AGBL1: variants seen among roughly 807,000 people sequenced by gnomAD.
AGBL1 encodes the protein AGBL carboxypeptidase 1.
A neutral mutation model predicts 118.9 loss-of-function variants in AGBL1; 130 were observed. That is an observed-to-expected ratio of 1.09 (90% CI 0.95 to 1.26). The LOEUF is 1.26. Ranked by LOEUF, AGBL1 falls within the 50% of genes most tolerant of loss-of-function variation. The pLI is 0.00. For synonymous variants in AGBL1, 555 were observed against 478.9 expected (o/e 1.16, Z -2.08); for missense variants, 1,584 against 1,298.1 (o/e 1.22, Z -3.38).
intron 21 of AGBL1, among the ~76,000 whole-genome samples, chr15:86,567,218 T>C (rs1266606389): frequency 5.9e-5 from 9 of 152,244 alleles, no homozygotes; most frequent in Non-Finnish European, 1.3e-4. Flanking sequence ...TAAGCTTTTA[T>C]GAAGTGTAAT....
intron 22 of AGBL1, among the ~76,000 whole-genome samples, chr15:86,883,209 T>G (rs1466221641): frequency 6.6e-6 from 1 of 152,258 alleles, no homozygotes; most frequent in Non-Finnish European, 1.5e-5. Flanking sequence ...TTACATCTAA[T>G]GCTAATAAAA....
intron 15 of AGBL1, among the ~76,000 whole-genome samples, chr15:86,278,325 C>T (rs2079291023): frequency 6.6e-6 from 1 of 152,188 alleles, no homozygotes; most frequent in South Asian, 2.1e-4. Context: ...ACCCTCCTTT[C>T]CCTAGCATGA....
At chr15:86,678,290 A>G (rs937793325) in intron 22 of AGBL1, among the ~76,000 whole-genome samples, 2 of 152,174 alleles carry the variant, frequency 1.3e-5, no homozygotes, top group Middle Eastern at 3.2e-3. Context: ...ACAATGTGCT[A>G]TAAGTTCTCC....
chr15:86,470,630 T>C (rs2082467545), intron 18 of AGBL1, among the ~76,000 whole-genome samples: 1 of 152,188 alleles, frequency 6.6e-6, no homozygotes, highest in Non-Finnish European at 1.5e-5. Context: ...ACTTGTAGCA[T>C]GGACATTTTA....
intron 5 of AGBL1, among the ~76,000 whole-genome samples, chr15:86,179,168 G>C (rs1241390328): frequency 6.6e-6 from 1 of 152,180 alleles, no homozygotes; most frequent in African/African-American, 2.4e-5. Flanking sequence ...CCAGTTCCTG[G>C]AATTGTTTAA....
chr15:86,756,059 A>T (rs990442525), intron 22 of AGBL1, among the ~76,000 whole-genome samples: 1 of 152,138 alleles, frequency 6.6e-6, no homozygotes, highest in Non-Finnish European at 1.5e-5. Flanking sequence ...GAGGTTAGCA[A>T]ATTCCCCAAG....
chr15:86,613,161 A>G lies in AGBL1; in HGVS notation c.2994+58624A>G, dbSNP rs116021010. ...TAACCGTGGCAAAATAAATCTCTAA[A>G]TTGATTAAGACTTGTCTCAGATACT... On this transcript the variant is annotated intron_variant, in intron 21 of 22. Transcript: ENST00000614907. The surrounding 1 kb of genome is among the most constrained non-coding windows in gnomAD (Gnocchi z 4.2). 6.7e-3 allele frequency among the ~76,000 whole-genome samples: 1,026 copies of G among 152,300 alleles called. 16 individuals carry two copies. The highest frequency in any genetic ancestry group is 0.023 in the African/African-American group (946 of 41,558).
At chr15:86,656,732 C>T (rs2085466748) in intron 21 of AGBL1, among the ~76,000 whole-genome samples, 1 of 152,090 alleles carries the variant, frequency 6.6e-6, no homozygotes, top group African/African-American at 2.4e-5. Flanking sequence ...TCCTTTACAC[C>T]CCCTGAGCTC....
chr15:86,628,104 T>C (rs2084914877), intron 21 of AGBL1, among the ~76,000 whole-genome samples: 1 of 152,188 alleles, frequency 6.6e-6, no homozygotes, highest in South Asian at 2.1e-4. Flanking sequence ...TCTGGGCTAG[T>C]GCAGTCCTTC....
intron 22 of AGBL1, among the ~76,000 whole-genome samples, chr15:86,896,035 C>T (rs1315020480): frequency 6.6e-6 from 1 of 152,056 alleles, no homozygotes; most frequent in Middle Eastern, 3.2e-3. Flanking sequence ...CTTTGCTGAA[C>T]TGTGTCTGTG....
At chr15:86,800,924 G>T (rs1335596878) in intron 22 of AGBL1, among the ~76,000 whole-genome samples, 1 of 152,110 alleles carries the variant, frequency 6.6e-6, no homozygotes, top group East Asian at 1.9e-4. Flanking sequence ...TAGAGAAGGT[G>T]ACATTTTAAG....
At chr15:86,633,644 T>C (rs939986271) in intron 21 of AGBL1, among the ~76,000 whole-genome samples, 25 of 151,882 alleles carry the variant, frequency 1.6e-4, no homozygotes, top group Admixed American at 5.3e-4. Context: ...AAAAAGATCA[T>C]TCTCTGAAAT....
chr15:86,347,793 T>C (rs957305967), intron 17 of AGBL1, among the ~76,000 whole-genome samples: 2 of 152,226 alleles, frequency 1.3e-5, no homozygotes, highest in South Asian at 2.1e-4. Flanking sequence ...CAAGAAGACA[T>C]TTTCTTAGTA....
chr15:86,463,133 A>G (rs534829856), intron 18 of AGBL1, among the ~76,000 whole-genome samples: 6 of 152,268 alleles, frequency 3.9e-5, no homozygotes, highest in African/African-American at 1.4e-4. Context: ...TCGCCATTCT[A>G]ACTGGTGTGA....
intron 22 of AGBL1, among the ~76,000 whole-genome samples, chr15:86,875,524 A>G (rs2079795011): frequency 6.6e-6 from 1 of 152,214 alleles, no homozygotes; most frequent in African/African-American, 2.4e-5. Flanking sequence ...GCATCTGTTC[A>G]AGTAGGTCTG....
At chr15:86,377,058 C>G (rs2081051309) in intron 17 of AGBL1, among the ~76,000 whole-genome samples, 1 of 152,138 alleles carries the variant, frequency 6.6e-6, no homozygotes, top group Non-Finnish European at 1.5e-5. Flanking sequence ...CTTTATAAGT[C>G]AGGATTATGC....
chr15:86,795,328 T>C (rs79031465), intron 22 of AGBL1, among the ~76,000 whole-genome samples: 2,130 of 152,202 alleles, frequency 0.014, 48 homozygotes, highest in African/African-American at 0.047. Context: ...CGATCTTTTA[T>C]AAAGCCTTCT....
At chr15:86,105,081 C>T (rs1896972614) in intron 1 of AGBL1, 1 of 152,164 alleles carries the variant, frequency 6.6e-6, no homozygotes, top group African/African-American at 2.4e-5. Context: ...TGGTTGAATT[C>T]CAGTGTTCTT....
intron 9 of AGBL1, among the ~76,000 whole-genome samples, chr15:86,261,214 T>C (rs1032142115): frequency 2.6e-5 from 4 of 152,190 alleles, no homozygotes; most frequent in African/African-American, 9.7e-5. Context: ...ATGCACCAGT[T>C]GGAGCACAGC....
Sources: allele counts gnomAD v4.1 joint callset (sites outside exome capture counted in the v4.1 genomes callset), GRCh38; gene constraint gnomAD v4.1.1; non-coding constraint Gnocchi (gnomAD v3.1); transcripts MANE v1.5; gene names NCBI Gene and HGNC (gene_info 2026-07-23, HGNC 2026-07-21).